LYST: variants seen among roughly 807,000 people sequenced by gnomAD.
LYST encodes lysosomal trafficking regulator.
In LYST, 192 loss-of-function variants were observed where a neutral mutation model predicts 413.6. The observed-to-expected ratio is 0.46, with a 90% CI of 0.41 to 0.52. LYST has a LOEUF of 0.52. Among genes scored for constraint, LYST ranks in the 20% least tolerant of loss-of-function variants. LYST has a pLI of 0.00. For missense variants in LYST, 3,815 were observed against 4,499.9 expected, an observed-to-expected ratio of 0.85 and a Z score of 4.35; for synonymous variants, 1,525 against 1,567.3, an observed-to-expected ratio of 0.97 and a Z score of 0.64.
intron 10 of LYST, among the ~76,000 whole-genome samples, chr1:235,799,952 TTTTTTTTTTTTTTTTTTTTTTTG>T (rs1672025110): frequency 9.6e-6 from 1 of 104,052 alleles, no homozygotes; most frequent in Non-Finnish European, 1.9e-5. Flanking sequence ...TTTTTTTTTT[TTTTTTTTTTTTTTTTTTTTTTTG>T]AGACAGGGTC....
chr1:235,709,716 G>A (rs1403679359), intron 43 of LYST, among the ~76,000 whole-genome samples: 1 of 149,854 alleles, frequency 6.7e-6, no homozygotes, highest in African/African-American at 2.5e-5. Flanking sequence ...TAAACTATTG[G>A]TATTAACATT....
intron 43 of LYST, 87 bp downstream of exon 43, chr1:235,711,970 C>A: frequency 9.0e-7 from 1 of 1,110,990 alleles, no homozygotes; most frequent in Non-Finnish European, 1.3e-6. Flanking sequence ...ATTTTTAGGA[C>A]TTAAAAAAGC....
At chr1:235,733,437 T>C in intron 34 of LYST, 66 bp downstream of exon 34, 1 of 1,367,408 alleles carries the variant, frequency 7.3e-7, no homozygotes, top group South Asian at 1.2e-5. Flanking sequence ...GGAATACAAA[T>C]TCCGTTTAAC....
chr1:235,831,812 A>C (rs538100488), intron 2 of LYST, among the ~76,000 whole-genome samples: 1 of 152,336 alleles, frequency 6.6e-6, no homozygotes, highest in East Asian at 1.9e-4. Context: ...TTCAGAAAGT[A>C]AAAGTATTAA....
intron 20 of LYST, among the ~76,000 whole-genome samples, chr1:235,768,401 T>G (rs1173944932): frequency 6.6e-6 from 1 of 152,098 alleles, no homozygotes; most frequent in African/African-American, 2.4e-5. Flanking sequence ...CACAAATGAA[T>G]GAAACTGCCT....
rs868383902 is a variant in LYST at position 235,787,822 on chromosome 1, T to C, written c.4689-449A>G. ...GGCACCTAGTAATGTTTGTAACGTT[T>C]ACAAAGTATATATTCCTAAATAACA... On this transcript the variant is annotated intron_variant, in intron 13 of 52. Transcript: ENST00000389793. 3.3e-5 allele frequency among the ~76,000 whole-genome samples: 5 copies of C among 152,176 alleles called. 1 individual carries two copies. The highest frequency in any genetic ancestry group is 6.5e-5 in the Admixed American group (1 of 15,282).
Position 235,745,337 on chromosome 1 carries a change from C to T in LYST, c.7972+999G>A, listed in dbSNP as rs539425274. 3.5e-3 allele frequency among the ~76,000 whole-genome samples: 532 copies of T among 151,934 alleles called. 3 individuals are homozygous for T. Among genetic ancestry groups the T allele is most frequent in the African/African-American group, 0.012 (510 of 41,390 alleles). On this transcript the variant is annotated intron_variant, in intron 29 of 52. Transcript: ENST00000389793. ...AAGTTTGTACATATATATTCATTAG[C>T]CAATATGGAAATGCAAATTAAAACC...
At chr1:235,687,115 A>G (rs771007594) in intron 47 of LYST, 68 bp from the exon 48 acceptor site, 317 of 1,089,366 alleles carry the variant, frequency 2.9e-4, no homozygotes, top group Non-Finnish European at 4.2e-4. Context: ...TAATAAAAAT[A>G]AAATAAAAGA....
chr1:235,788,698 T>C lies in LYST; in HGVS notation c.4688+3A>G, dbSNP rs1207890747. On this transcript the variant is annotated splice_donor_region_variant and intron_variant, in intron 13 of 52. Transcript: ENST00000389793. ...TTCATGGGAGGCTGAGGATAATCAA[T>C]ACCGAAAGATAAGAGTGGCATTGTG... The C allele has an allele frequency of 1.2e-6, 2 of 1,613,454 alleles. No homozygotes were observed. Among genetic ancestry groups the C allele is most frequent in the Admixed American group, 1.7e-5 (1 of 60,000 alleles).
rs773800745 is a variant in LYST at position 235,777,115 on chromosome 1, C to G, written c.5408G>C (p.Gly1803Ala). 4.3e-6 allele frequency: 7 copies of G among 1,612,434 alleles called. No homozygotes were observed. The highest frequency in any genetic ancestry group is 4.5e-5 in the East Asian group (2 of 44,788). ...AGTTCCACCAATTTCGTGCAGAATG[C>G]CTTGAATAGTTTTATATTCAGTAGG... ...LQPTEYKTIQ[G>A]ILHEIGGTGI... Residue 1803 changes from glycine (G) to alanine (A), a missense_variant, in exon 17 of 53, where the codon GGC becomes GCC. Physicochemically the swap from Gly to Ala is moderately conservative, Grantham distance 60. Around this residue, in one of 4 missense-constraint regions of LYST, gnomAD observed 530 missense variants for 696.5 expected, o/e 0.76. Coordinates refer to ENST00000389793, the MANE Select transcript of LYST (RefSeq NM_000081.4).
intron 40 of LYST, among the ~76,000 whole-genome samples, chr1:235,718,244 A>T (rs2103149284): frequency 6.6e-6 from 1 of 152,190 alleles, no homozygotes; most frequent in East Asian, 1.9e-4. Flanking sequence ...TGAAAAATAC[A>T]AAATTACAGT....
chr1:235,820,478 TCCCGCC>T (rs1674631745), intron 3 of LYST, among the ~76,000 whole-genome samples: 3 of 151,756 alleles, frequency 2.0e-5, no homozygotes, highest in African/African-American at 7.3e-5. Context: ...CAGGCGATCC[TCCCGCC>T]CCAGCCTCCC....
At chr1:235,802,262 A>G (rs1463885411) in intron 8 of LYST, among the ~76,000 whole-genome samples, 1 of 151,098 alleles carries the variant, frequency 6.6e-6, no homozygotes, top group Non-Finnish European at 1.5e-5. Flanking sequence ...ATATAAAAAG[A>G]TGGAGTCTTG....
rs1358281406 is a variant in LYST, at chr1:235,757,301, T to C, written c.7039A>G (p.Ile2347Val). The C allele has an allele frequency of 1.9e-6, 3 of 1,613,328 alleles. No individual in the cohort carries two copies. In the Admixed American group the frequency reaches 5.0e-5, roughly 27 times the overall value. The change falls in exon 24 of 53, where the codon ATA becomes GTA. Residue 2347 changes from isoleucine (I) to valine (V), a missense_variant. Transcript: ENST00000389793. ...CTTACTTTAATAACACCTTGTTGTA[T>C]AGCTGGTGATGGGTGGTTAACGAGG... Reference protein sequence around the residue: ...LVLVNHPSPAIQQGVIKLLDA... With the variant: ...LVLVNHPSPAVQQGVIKLLDA...
At chr1:235,850,113 T>C (rs924381594) in intron 1 of LYST, among the ~76,000 whole-genome samples, 6 of 152,144 alleles carry the variant, frequency 3.9e-5, no homozygotes, top group African/African-American at 1.4e-4. Flanking sequence ...TCACATTACC[T>C]GATTTCAAAC....
At chr1:235,749,049 C>T (rs146563137) in intron 28 of LYST, among the ~76,000 whole-genome samples, 63 of 152,216 alleles carry the variant, frequency 4.1e-4, no homozygotes, top group African/African-American at 1.4e-3. Context: ...AAGAGAACGG[C>T]TTGAGTCTTT....
intron 50 of LYST, among the ~76,000 whole-genome samples, chr1:235,668,883 T>C (rs1313193641): frequency 6.6e-6 from 1 of 152,232 alleles, no homozygotes; most frequent in Non-Finnish European, 1.5e-5. Context: ...CCCTTTGTTA[T>C]AATCATTAGG....
intron 20 of LYST, among the ~76,000 whole-genome samples, chr1:235,767,888 C>G (rs1274193995): frequency 6.6e-6 from 1 of 152,072 alleles, no homozygotes; most frequent in Non-Finnish European, 1.5e-5. Context: ...TCATTTGGTT[C>G]AAGGTATCAT....
At chr1:235,815,405 CA>C (rs1185301109) in intron 3 of LYST, among the ~76,000 whole-genome samples, 1 of 152,100 alleles carries the variant, frequency 6.6e-6, no homozygotes, top group Non-Finnish European at 1.5e-5. Flanking sequence ...ACATTTTAGA[CA>C]GGCTATTTAG....
Sources: allele counts gnomAD v4.1 joint callset (sites outside exome capture counted in the v4.1 genomes callset), GRCh38; gene constraint gnomAD v4.1.1; regional missense constraint gnomAD v4.1.1; transcripts MANE v1.5; gene names NCBI Gene and HGNC (gene_info 2026-07-23, HGNC 2026-07-21).